Variants in TRIM14 observed in about 807,000 individuals in gnomAD.
The protein encoded by TRIM14 is tripartite motif containing 14.
A neutral mutation model predicts 44.5 loss-of-function variants in TRIM14; 28 were observed. The ratio of observed to expected loss-of-function variants is 0.63; its 90% CI spans 0.47 to 0.86. The LOEUF is 0.86. TRIM14 is among the 40% of genes least tolerant of loss of function. The pLI is 0.00. For missense variants in TRIM14, 607 were observed against 611.1 expected (o/e 0.99, Z 0.07); for synonymous variants, 299 against 269.2 (o/e 1.11, Z -1.08).
chr9:98,073,681 T>TA (rs1564161727), intron 6 of TRIM14, among the ~76,000 whole-genome samples: 2 of 152,042 alleles, frequency 1.3e-5, no homozygotes, highest in African/African-American at 4.8e-5. Context: ...TCTCTTTCCT[T>TA]ACCCCTGACT....
chr9:98,059,732 T>G, the TRIM14 span, among the ~76,000 whole-genome samples: 1 of 148,922 alleles, frequency 6.7e-6, no homozygotes, highest in East Asian at 1.9e-4. Flanking sequence ...TGTTTTTTGT[T>G]TTTTTTTTTT....
chr9:98,065,339 T>C (rs1176075095), downstream of TRIM14, among the ~76,000 whole-genome samples: 1 of 121,528 alleles, frequency 8.2e-6, no homozygotes, highest in East Asian at 2.1e-4. Context: ...TGAAACAGAG[T>C]TTCGTTATTG....
intron 2 of TRIM14, among the ~76,000 whole-genome samples, chr9:98,108,879 C>CTTTT (rs5899334): frequency 2.5e-5 from 3 of 120,236 alleles, no homozygotes; most frequent in Admixed American, 8.6e-5. Flanking sequence ...TCAGGGGTTC[C>CTTTT]TTTTTTTTTT....
chr9:98,056,672 C>T, the TRIM14 span: 26 of 1,347,604 alleles, frequency 1.9e-5, no homozygotes, highest in Non-Finnish European at 2.5e-5. Context: ...AGGGGATTGG[C>T]TGCCCGGCGA....
intron 3 of TRIM14, among the ~76,000 whole-genome samples, chr9:98,097,857 TAA>T (rs1826241252): frequency 6.6e-6 from 1 of 152,204 alleles, no homozygotes; most frequent in African/African-American, 2.4e-5. Flanking sequence ...GACCATTATT[TAA>T]AAAGAGACAA....
chr9:98,103,265 A>C (rs1407594869), intron 2 of TRIM14, among the ~76,000 whole-genome samples: 1 of 152,154 alleles, frequency 6.6e-6, no homozygotes, highest in Non-Finnish European at 1.5e-5. Context: ...AAAAAAAAAA[A>C]CAGGTGAAAA....
At chr9:98,109,341 G>A (rs1479715882) in intron 2 of TRIM14, among the ~76,000 whole-genome samples, 1 of 152,158 alleles carries the variant, frequency 6.6e-6, no homozygotes, top group Non-Finnish European at 1.5e-5. Context: ...ACCAGCCCCT[G>A]AGGCCCTAAA....
intron 5 of TRIM14, among the ~76,000 whole-genome samples, chr9:98,089,632 T>C (rs1020965992): frequency 1.3e-4 from 20 of 152,164 alleles, no homozygotes; most frequent in African/African-American, 4.8e-4. Context: ...ATTTACAACA[T>C]AAAGTATGCC....
At chr9:98,047,293 C>G in the TRIM14 span, among the ~76,000 whole-genome samples, 1 of 152,152 alleles carries the variant, frequency 6.6e-6, no homozygotes, top group Non-Finnish European at 1.5e-5. Flanking sequence ...CCTCCCCCAC[C>G]ACGTGGAACT....
chr9:98,042,178 A>C, the TRIM14 span, among the ~76,000 whole-genome samples: 1 of 151,042 alleles, frequency 6.6e-6, no homozygotes, highest in South Asian at 2.1e-4. Flanking sequence ...CTCTAGTCCC[A>C]GCTACTCGGG....
intron 6 of TRIM14, chr9:98,077,018 G>GT (rs756008697): frequency 1.2e-6 from 2 of 1,601,122 alleles, no homozygotes; most frequent in Non-Finnish European, 1.7e-6. Context: ...GCCAAAAAAG[G>GT]TAAGTGTCTA....
At chr9:98,059,054 C>T in the TRIM14 span, among the ~76,000 whole-genome samples, 4 of 151,828 alleles carry the variant, frequency 2.6e-5, no homozygotes, top group African/African-American at 7.3e-5. Context: ...GACGGAGTCT[C>T]GCTGTGTCAC....
chr9:98,117,983 G>A (rs144071113), intron 1 of TRIM14, among the ~76,000 whole-genome samples: 369 of 152,202 alleles, frequency 2.4e-3, no homozygotes, highest in African/African-American at 8.3e-3. Context: ...TTGAGCCCAC[G>A]ACTCCACTGG....
At chr9:98,066,850 C>A (rs1484379433), downstream of TRIM14, among the ~76,000 whole-genome samples, 1 of 152,094 alleles carries the variant, frequency 6.6e-6, no homozygotes, top group Non-Finnish European at 1.5e-5. Context: ...AGGGTTTCAC[C>A]ATGTTGACCA....
chr9:98,078,479 CCAAATCAAATT>C (rs1829694589), intron 6 of TRIM14: 2 of 1,207,160 alleles, frequency 1.7e-6, no homozygotes, highest in Admixed American at 2.5e-5. Context: ...CTTGCTGTTA[CCAAATCAAATT>C]CGAGCTAAGC....
rs1764474425 is a variant in TRIM14, at chr9:98,086,549, T to C, written c.*921A>G. The C allele has an allele frequency of 6.6e-6, 1 of 152,204 alleles. No homozygotes were observed. The highest frequency in any genetic ancestry group is 2.4e-5 in the African/African-American group (1 of 41,424). The allele number at this position is 152,204 out of a possible 1,614,324, so 9.4% of individuals were successfully genotyped here. On this transcript the variant is annotated 3_prime_UTR_variant, in exon 6 of 6. Coordinates refer to ENST00000341469, the MANE Select transcript of TRIM14 (RefSeq NM_014788.4). Reference sequence around the variant, plus strand: ...TGCCCTTCCAAAGCCTCCAATTTAGTTGGAAAGACAGGTCCCAGATTTGTG... The same window carrying C: ...TGCCCTTCCAAAGCCTCCAATTTAGCTGGAAAGACAGGTCCCAGATTTGTG...
intron 6 of TRIM14, among the ~76,000 whole-genome samples, chr9:98,070,787 G>A (rs1002630398): frequency 6.6e-6 from 1 of 150,438 alleles, no homozygotes; most frequent in Non-Finnish European, 1.5e-5. Context: ...AAATAAAAAA[G>A]ATCTGCAGAC....
At position 98,088,012 on chromosome 9, in the gene TRIM14, G is replaced by A. The variant is rs1390642037; in HGVS notation, c.794-7C>T. The A allele has an allele frequency of 1.3e-6, 2 of 1,514,064 alleles. No individual in the cohort carries two copies. Among genetic ancestry groups the A allele is most frequent in the East Asian group, 2.7e-5 (1 of 37,502 alleles). 93.8% of individuals were successfully genotyped at this position (1,514,064 alleles called of 1,614,324 possible). A position where few individuals can be genotyped will look rare whatever the true frequency, so the allele number is the denominator to read the frequency against. On this transcript the variant is annotated splice_region_variant and splice_polypyrimidine_tract_variant and intron_variant, in intron 5 of 5. Coordinates refer to ENST00000341469, the MANE Select transcript of TRIM14 (RefSeq NM_014788.4). ...AGCGTGGGCGTGCGCGCGTCTGCAG[G>A]GGGCGAGACAAGGGACGCACCTGGT... is the stretch of plus-strand genomic sequence containing the variant.
chr9:98,113,113 C>CAAAAAAAAAAAAAAAAAAAAAA (rs57908629), intron 1 of TRIM14, among the ~76,000 whole-genome samples: 1 of 39,250 alleles, frequency 2.5e-5, no homozygotes, highest in Non-Finnish European at 5.9e-5. Flanking sequence ...AACTCCATCT[C>CAAAAAAAAAAAAAAAAAAAAAA]AAAAAAAAAA....
Sources: gnomAD v4.1 joint callset for allele counts (sites outside exome capture counted in the v4.1 genomes callset) on GRCh38, gnomAD v4.1.1 for gene constraint, MANE v1.5 for transcripts, NCBI Gene and HGNC (gene_info 2026-07-23, HGNC 2026-07-21) for gene names.